The following GAS6 variants were observed in gnomAD, a reference collection of about 807,000 sequenced individuals.
GAS6 encodes the protein growth arrest-specific protein 6.
In GAS6, 41 loss-of-function variants were observed where a neutral mutation model predicts 75.8. The observed-to-expected ratio is 0.54, with a 90% CI of 0.42 to 0.70. The LOEUF (loss-of-function observed/expected upper bound fraction) is 0.70. GAS6 is among the 30% of genes least tolerant of loss of function. The pLI is 0.00. For missense variants in GAS6, 854 were observed against 940.2 expected, an observed-to-expected ratio of 0.91 and a Z score of 1.20; for synonymous variants, 432 against 412.6, an observed-to-expected ratio of 1.05 and a Z score of -0.57.
At chr13:113,827,351 T>C (rs896631877) in intron 11 of GAS6, among the ~76,000 whole-genome samples, 187 bp from the exon 12 acceptor site, 1 of 152,220 alleles carries the variant, frequency 6.6e-6, no homozygotes, top group African/African-American at 2.4e-5. Flanking sequence ...CACTGCAGAA[T>C]ACCTATTTCC....
chr13:113,838,088 A>C lies in GAS6; in HGVS notation c.570T>G (p.Ser190=), dbSNP rs751571274. ...CSCHSGFELS[S]DGRTCQDIDE... ...CCTTACCTTGGCAGGTCCTGCCATC[A>C]GAGGAGAGCTCGAAGCCGCTGTGGC... is the stretch of plus-strand genomic sequence containing the variant. Residue 190 remains serine, a synonymous_variant, in exon 6 of 15, where the codon TCT becomes TCG. Coordinates refer to ENST00000327773, the MANE Select transcript of GAS6 (RefSeq NM_000820.4). The C allele has an allele frequency of 2.5e-6, 4 of 1,612,782 alleles. No individual in the cohort carries two copies. Among genetic ancestry groups the C allele is most frequent in the Non-Finnish European group, 3.4e-6 (4 of 1,179,848 alleles).
intron 2 of GAS6, among the ~76,000 whole-genome samples, chr13:113,861,072 C>T (rs960721452): frequency 4.6e-5 from 7 of 152,086 alleles, no homozygotes; most frequent in East Asian, 1.9e-4. Context: ...GGCTGCACAG[C>T]GGGTGCTTCC....
chr13:113,839,575 TG>T, intron 5 of GAS6, 152 bp downstream of exon 5: 1 of 950,242 alleles, frequency 1.1e-6, no homozygotes, highest in Non-Finnish European at 1.5e-6. Flanking sequence ...CCAATTCTCC[TG>T]GGGCTCCAGG....
chr13:113,858,536 T>C (rs917238321), intron 2 of GAS6, among the ~76,000 whole-genome samples: 10 of 116,954 alleles, frequency 8.6e-5, no homozygotes, highest in African/African-American at 5.1e-4. Context: ...TGTGTGCATG[T>C]CTGTGTACGT....
At chr13:113,833,287 G>C (rs1271134954) in intron 8 of GAS6, 1 of 1,036,808 alleles carries the variant, frequency 9.6e-7, no homozygotes, top group South Asian at 3.7e-5. Flanking sequence ...TCTCGCAGGG[G>C]TCCGACACCC....
chr13:113,821,903 A>C, intron 14 of GAS6, 55 bp downstream of exon 14: 2 of 1,402,508 alleles, frequency 1.4e-6, no homozygotes, highest in Non-Finnish European at 1.9e-6. Context: ...GGGGTGACCA[A>C]GCTGGGCCTC....
At chr13:113,834,850 C>T (rs1199797761) in intron 7 of GAS6, 178 bp from the exon 8 acceptor site, 10 of 532,128 alleles carry the variant, frequency 1.9e-5, no homozygotes, top group African/African-American at 7.8e-5. Flanking sequence ...GTTGCACCCT[C>T]GGCCTGCTCC....
At position 113,832,679 on chromosome 13, in the gene GAS6, C is replaced by T. The variant is rs777752250; in HGVS notation, c.908G>A (p.Gly303Glu). Residue 303 changes from glycine (G) to glutamate (E), a missense_variant, in exon 9 of 15, where the codon GGG (glycine) becomes GAG (glutamate). Gly to Glu is a moderately conservative substitution (Grantham distance 98, BLOSUM62 -2). Coordinates refer to ENST00000327773, the MANE Select transcript of GAS6 (RefSeq NM_000820.4). ...GAAGCGCAGTCGGATCACGGGGGTC[C>T]CACTGAACATCCGGCCCAGGTACAA... ...KSLYLGRMFS[G>E]TPVIRLRFKR... The T allele has an allele frequency of 1.9e-6, 3 of 1,612,660 alleles. No homozygotes were observed. In the African/African-American group the frequency reaches 4.0e-5, roughly 22 times the overall value.
At chr13:113,831,055 C>T (rs1302299590) in intron 10 of GAS6, among the ~76,000 whole-genome samples, 3 of 152,274 alleles carry the variant, frequency 2.0e-5, no homozygotes, top group African/African-American at 4.8e-5. Flanking sequence ...TTCTTCCCAA[C>T]GTTTCCTTCT....
chr13:113,835,655 G>C lies in GAS6; in HGVS notation c.590-20C>G, dbSNP rs368616028. The C allele has an allele frequency of 5.6e-6, 9 of 1,608,866 alleles. No homozygotes were observed. Among genetic ancestry groups the C allele is most frequent in the Admixed American group, 5.0e-5 (3 of 59,788 alleles). On this transcript the variant is annotated intron_variant, in intron 6 of 14. Transcript: ENST00000327773. The stretch of plus-strand genomic sequence containing the variant: ...CTATGTCTGCAAGCAAAAAAAAACC[G>C]GCCAACCGCAGCACAGCGGCATCTC...
intron 12 of GAS6, among the ~76,000 whole-genome samples, chr13:113,826,137 G>T (rs974888507): frequency 2.6e-5 from 4 of 152,194 alleles, no homozygotes; most frequent in Non-Finnish European, 4.4e-5. Context: ...GCGGCAGCGT[G>T]GCGTCACAGG....
intron 11 of GAS6, 56 bp from the exon 12 acceptor site, chr13:113,827,220 A>G (rs565011383): frequency 6.3e-7 from 1 of 1,581,452 alleles, no homozygotes; most frequent in African/African-American, 1.3e-5. Flanking sequence ...CCCATGCCGG[A>G]TGCCCCAGTC....
Position 113,863,479 on chromosome 13 carries a change from C to G in GAS6, c.255+96G>C. ...GACCCTGAGGCCAGGCCTCGCCGCG[C>G]GGAGCTGGGGGGCGGCAGCAGCGCT... is the stretch of plus-strand genomic sequence containing the variant. On this transcript the variant is annotated intron_variant, in intron 2 of 14. Coordinates refer to ENST00000327773, the MANE Select transcript of GAS6 (RefSeq NM_000820.4). This position sits in a 1 kb window ranked among gnomAD's most constrained non-coding sequence, Gnocchi z 9.4. The G allele has an allele frequency of 4.8e-6, 6 of 1,245,560 alleles. No individual in the cohort carries two copies. The highest frequency in any genetic ancestry group is 5.2e-6 in the Non-Finnish European group (5 of 964,580). The allele number at this position is 1,245,560 out of a possible 1,614,324, so 77.2% of individuals were successfully genotyped here. A position where few individuals can be genotyped will look rare whatever the true frequency, so the allele number is the denominator to read the frequency against.
At chr13:113,860,793 AGT>A (rs1364411098) in intron 2 of GAS6, among the ~76,000 whole-genome samples, 1 of 151,844 alleles carries the variant, frequency 6.6e-6, no homozygotes, top group Admixed American at 6.6e-5. Context: ...AGGTGGGAGG[AGT>A]GTCCCTTCCA....
At chr13:113,822,578 C>T (rs910649645) in intron 13 of GAS6, 6 of 186,660 alleles carry the variant, frequency 3.2e-5, no homozygotes, top group Non-Finnish European at 6.6e-5. Flanking sequence ...CCGGTGGGCA[C>T]TCACGCTGGC....
In GAS6 at chr13:113,863,926, G is replaced by A. The variant is rs1272426827; in HGVS notation, c.-6C>T. ...GGCGAGAGCGAAGGGGCCATGGCGG[G>A]CCGGGGACGCGCGGTCAGAGCGCCC... On this transcript the variant is annotated 5_prime_UTR_variant, in exon 1 of 15. Coordinates refer to ENST00000327773, the MANE Select transcript of GAS6 (RefSeq NM_000820.4). This position sits in a 1 kb window ranked among gnomAD's most constrained non-coding sequence, Gnocchi z 9.4. 7.9e-6 allele frequency: 9 copies of A among 1,140,560 alleles called. No homozygotes were observed. The highest frequency in any genetic ancestry group is 4.2e-5 in the South Asian group (1 of 23,568). 70.7% of individuals were successfully genotyped at this position (1,140,560 alleles called of 1,614,324 possible).
Position 113,848,156 on chromosome 13 carries a change from C to T in GAS6, c.256-106G>A, listed in dbSNP as rs1452868427. 1 of 1,228,184 alleles carries T rather than the reference C, an allele frequency of 8.1e-7. No homozygotes were observed. The highest frequency in any genetic ancestry group is 2.2e-5 in the Admixed American group (1 of 46,004). 76.1% of individuals were successfully genotyped at this position (1,228,184 alleles called of 1,614,324 possible). A position where few individuals can be genotyped will look rare whatever the true frequency, so the allele number is the denominator to read the frequency against. The stretch of plus-strand genomic sequence containing the variant: ...AATCAGAGGCTGCTCTCGGGGCAGC[C>T]AGAGGGCCGCCCCACCCGGGGAACT... On this transcript the variant is annotated intron_variant, in intron 2 of 14. Transcript: ENST00000327773. This position sits in a 1 kb window ranked among gnomAD's most constrained non-coding sequence, Gnocchi z 4.8.
At chr13:113,843,030 G>A (rs934384600) in intron 4 of GAS6, 3 of 393,292 alleles carry the variant, frequency 7.6e-6, no homozygotes, top group East Asian at 3.6e-5. Context: ...ATGCAAGGAC[G>A]GAACCACACC....
intron 12 of GAS6, among the ~76,000 whole-genome samples, chr13:113,826,046 G>A (rs932867472): frequency 1.3e-5 from 2 of 152,190 alleles, no homozygotes; most frequent in South Asian, 2.1e-4. Context: ...GGGCCCACGT[G>A]GGGTGGGAAT....
Sources: allele counts gnomAD v4.1 joint callset (sites outside exome capture counted in the v4.1 genomes callset), GRCh38; gene constraint gnomAD v4.1.1; non-coding constraint Gnocchi (gnomAD v3.1); transcripts MANE v1.5; gene names NCBI Gene and HGNC (gene_info 2026-07-23, HGNC 2026-07-21).